The following LY96 variants were observed in gnomAD, a reference collection of about 807,000 sequenced individuals.
LY96 encodes myeloid differentiation protein-2.
In LY96, 18 loss-of-function variants were observed where a neutral mutation model predicts 18.9. The observed-to-expected ratio is 0.95, with a 90% CI of 0.66 to 1.41. The LOEUF (loss-of-function observed/expected upper bound fraction) is 1.41, where lower values mean the gene tolerates loss of function less well. LY96 is among the 40% of genes most tolerant of loss of function. The pLI, the probability that LY96 is intolerant of heterozygous loss-of-function variation, is 0.00. For synonymous variants in LY96, 66 were observed against 62.6 expected (o/e 1.06, Z -0.26); for missense variants, 175 against 182.4 (o/e 0.96, Z 0.23).
intron 1 of LY96, among the ~76,000 whole-genome samples, chr8:74,000,809 G>A (rs745453587): frequency 1.3e-5 from 2 of 152,190 alleles, no homozygotes; most frequent in Non-Finnish European, 2.9e-5. Context: ...CAACATTGAG[G>A]CATTGCATCT....
the LY96 span, among the ~76,000 whole-genome samples, chr8:74,044,159 AT>A: frequency 0.022 from 3,192 of 144,120 alleles, 126 homozygotes; most frequent in Admixed American, 0.086. Flanking sequence ...CATGTATGTT[AT>A]TTTTTTTTTT....
downstream of LY96, among the ~76,000 whole-genome samples, chr8:74,032,622 G>A (rs573016187): frequency 5.9e-5 from 9 of 152,288 alleles, no homozygotes; most frequent in African/African-American, 1.9e-4. Context: ...GAGTCTGCCC[G>A]GTGCTTCCAG....
chr8:74,008,159 G>A (rs560326914), intron 2 of LY96, among the ~76,000 whole-genome samples: 11 of 152,336 alleles, frequency 7.2e-5, no homozygotes, highest in Non-Finnish European at 1.3e-4. Context: ...TGTTCTTAAC[G>A]TGACCACAGT....
chr8:74,038,822 C>T, the LY96 span, among the ~76,000 whole-genome samples: 1 of 152,228 alleles, frequency 6.6e-6, no homozygotes, highest in African/African-American at 2.4e-5. Flanking sequence ...CTGCAATAAA[C>T]ATGGGCATGC....
chr8:74,051,221 G>A, the LY96 span, among the ~76,000 whole-genome samples: 1 of 152,160 alleles, frequency 6.6e-6, no homozygotes, highest in Non-Finnish European at 1.5e-5. Flanking sequence ...TGTTTCCTTA[G>A]TGTTCATGAG....
intron 3 of LY96, among the ~76,000 whole-genome samples, chr8:74,026,152 A>ATATT (rs879272932): frequency 0.058 from 8,529 of 147,938 alleles, 774 homozygotes; most frequent in African/African-American, 0.2. Flanking sequence ...TAACTATATT[A>ATATT]AAAATATTTT....
At chr8:74,027,781 A>G (rs935964652) in intron 4 of LY96, among the ~76,000 whole-genome samples, 2 of 152,202 alleles carry the variant, frequency 1.3e-5, no homozygotes, top group African/African-American at 4.8e-5. Flanking sequence ...GACACAAGTG[A>G]TTAACTTCTT....
chr8:74,066,673 A>G, the LY96 span, among the ~76,000 whole-genome samples: 10 of 152,198 alleles, frequency 6.6e-5, no homozygotes, highest in African/African-American at 2.4e-4. Flanking sequence ...AGACTGCAGC[A>G]GGGAAGAAAT....
At chr8:74,010,164 A>G in intron 3 of LY96, 35 bp downstream of exon 3, 1 of 1,566,528 alleles carries the variant, frequency 6.4e-7, no homozygotes, top group Non-Finnish European at 8.8e-7. Context: ...TTAGAATAGG[A>G]AATAATTCTT....
At chr8:74,016,066 C>T (rs1478846994) in intron 3 of LY96, among the ~76,000 whole-genome samples, 1 of 152,256 alleles carries the variant, frequency 6.6e-6, no homozygotes, top group East Asian at 1.9e-4. Context: ...GGCATTGCCT[C>T]ACCCAGGAAG....
At chr8:74,058,479 G>A in the LY96 span, among the ~76,000 whole-genome samples, 4 of 151,422 alleles carry the variant, frequency 2.6e-5, no homozygotes, top group African/African-American at 4.9e-5. Context: ...GAAGCAAAAG[G>A]ATACTTACAT....
At chr8:74,040,894 G>A in the LY96 span, among the ~76,000 whole-genome samples, 6 of 151,758 alleles carry the variant, frequency 4.0e-5, no homozygotes, top group Non-Finnish European at 7.4e-5. Context: ...AGTACAGATG[G>A]GGTTTCACCA....
the LY96 span, among the ~76,000 whole-genome samples, chr8:74,091,834 C>A: frequency 6.6e-6 from 1 of 152,180 alleles, no homozygotes; most frequent in Admixed American, 6.5e-5. Context: ...CCTTCAAACC[C>A]TTCGACTTGC....
the LY96 span, among the ~76,000 whole-genome samples, chr8:74,097,806 GCAT>G: frequency 2.0e-5 from 3 of 152,170 alleles, no homozygotes; most frequent in African/African-American, 7.2e-5. Flanking sequence ...CTTCAGACCA[GCAT>G]CATCAACAAT....
the LY96 span, among the ~76,000 whole-genome samples, chr8:74,084,878 G>C: frequency 1.4e-4 from 22 of 152,174 alleles, no homozygotes; most frequent in Non-Finnish European, 4.4e-5. Context: ...ACCTCCCAAA[G>C]TGCTGGGATT....
rs1354982227 is a variant in LY96, at chr8:74,001,996, T to C, written c.113-2800T>C. On this transcript the variant is annotated intron_variant, in intron 1 of 4. Transcript: ENST00000284818. ...CTTCCTTCCCTCCCTCCCTCCCTCCTTTCTTCCTTTCTTCCTTCCTTCCTT... is the reference window on the plus strand; with the variant it reads ...CTTCCTTCCCTCCCTCCCTCCCTCCCTTCTTCCTTTCTTCCTTCCTTCCTT... Among the ~76,000 whole-genome samples, 338 of 50,294 alleles carry C rather than the reference T, an allele frequency of 6.7e-3. 6 individuals carry two copies. Among genetic ancestry groups the C allele is most frequent in the South Asian group, 0.016 (13 of 820 alleles). The allele number at this position is 50,294 out of a possible 152,430, so 33.0% of individuals were successfully genotyped here.
At chr8:74,008,201 T>TA (rs1242547180) in intron 2 of LY96, among the ~76,000 whole-genome samples, 1 of 152,220 alleles carries the variant, frequency 6.6e-6, no homozygotes, top group Non-Finnish European at 1.5e-5. Context: ...TCTCACAACT[T>TA]AAACTATTGA....
chr8:74,096,295 G>T, the LY96 span, among the ~76,000 whole-genome samples: 1 of 152,116 alleles, frequency 6.6e-6, no homozygotes, highest in East Asian at 1.9e-4. Context: ...ATGAGGCTCT[G>T]CATGATCTGT....
At chr8:74,024,618 T>C (rs962910272) in intron 3 of LY96, among the ~76,000 whole-genome samples, 1 of 152,116 alleles carries the variant, frequency 6.6e-6, no homozygotes, top group African/African-American at 2.4e-5. Context: ...TACTGAGGCA[T>C]AGAAAAATTA....
Sources: gnomAD v4.1 joint callset for allele counts (sites outside exome capture counted in the v4.1 genomes callset) on GRCh38, gnomAD v4.1.1 for gene constraint, MANE v1.5 for transcripts, NCBI Gene and HGNC (gene_info 2026-07-23, HGNC 2026-07-21) for gene names.